SLC5A12: variants seen among roughly 807,000 people sequenced by gnomAD.
The protein encoded by SLC5A12 is sodium-coupled monocarboxylate transporter 2.
In SLC5A12, 46 loss-of-function variants were observed where a neutral mutation model predicts 72.7. The ratio of observed to expected loss-of-function variants is 0.63; its 90% CI spans 0.50 to 0.81. SLC5A12 has a LOEUF of 0.81. Ranked by LOEUF, SLC5A12 falls within the 30% of genes least tolerant of loss-of-function variation. The pLI is 0.00. For synonymous variants in SLC5A12, 275 were observed against 264.4 expected (o/e 1.04, Z -0.39); for missense variants, 683 against 740.7 (o/e 0.92, Z 0.90).
rs928433935 is a variant in SLC5A12, at chr11:26,680,314, T to C, written c.1475+741A>G. ...ATATGTATATATATTCATATATATATATGTATATATATTCATATATATATG... is the reference window on the plus strand; with the variant it reads ...ATATGTATATATATTCATATATATACATGTATATATATTCATATATATATG... On this transcript the variant is annotated intron_variant, in intron 12 of 14. Coordinates refer to ENST00000396005, the MANE Select transcript of SLC5A12 (RefSeq NM_178498.4). Among the ~76,000 whole-genome samples the C allele has an allele frequency of 4.4e-5, 6 of 136,596 alleles. 1 individual carries two copies. The highest frequency in any genetic ancestry group is 2.2e-4 in the Admixed American group (3 of 13,468). The allele number at this position is 136,596 out of a possible 152,430, so 89.6% of individuals were successfully genotyped here. A position where few individuals can be genotyped will look rare whatever the true frequency, so the allele number is the denominator to read the frequency against.
At chr11:26,680,394 C>CATATATATATGTATATATATTCATAT (rs1565185818) in intron 12 of SLC5A12, among the ~76,000 whole-genome samples, 7 of 76,100 alleles carry the variant, frequency 9.2e-5, no homozygotes, top group African/African-American at 1.6e-4. Flanking sequence ...TATATATATT[C>CATATATATATGTATATATATTCATAT]ATATATATAT....
At chr11:26,708,207 C>A (rs1472364169) in intron 4 of SLC5A12, among the ~76,000 whole-genome samples, 1 of 151,934 alleles carries the variant, frequency 6.6e-6, no homozygotes, top group Non-Finnish European at 1.5e-5. Context: ...TTTTTCAAGG[C>A]AAGCAATGCA....
chr11:26,701,884 G>C (rs1036474065), intron 6 of SLC5A12, among the ~76,000 whole-genome samples: 1 of 152,088 alleles, frequency 6.6e-6, no homozygotes, highest in Non-Finnish European at 1.5e-5. Flanking sequence ...AGCGATAAAC[G>C]TTTAGTAAGC....
chr11:26,703,804 T>C lies in SLC5A12; in HGVS notation c.669A>G (p.Leu223=), dbSNP rs769481179. 1 of 1,613,880 alleles carries C rather than the reference T, an allele frequency of 6.2e-7. No individual in the cohort carries two copies. Among genetic ancestry groups the C allele is most frequent in the East Asian group, 2.2e-5 (1 of 44,860 alleles). ...VLEQSTNGSR[L]HIFDFDVDPL... is the part of the protein sequence containing the mutation. ...TGCATTGGACATACTCAAATATATGTAGTCGAGATCCATTTGTTGATTGCT... is the reference window on the plus strand; with the variant it reads ...TGCATTGGACATACTCAAATATATGCAGTCGAGATCCATTTGTTGATTGCT... Residue 223 remains leucine (L), a synonymous_variant, in exon 5 of 15, where the codon CTA becomes CTG. Coordinates refer to ENST00000396005, the MANE Select transcript of SLC5A12 (RefSeq NM_178498.4).
chr11:26,717,304 G>C (rs1035829263), intron 1 of SLC5A12, among the ~76,000 whole-genome samples: 4 of 152,030 alleles, frequency 2.6e-5, no homozygotes, highest in African/African-American at 9.7e-5. Context: ...CAGAAGCCAA[G>C]AAGTCCAAGA....
chr11:26,686,174 G>A (rs140993647), intron 10 of SLC5A12, among the ~76,000 whole-genome samples: 1 of 152,232 alleles, frequency 6.6e-6, no homozygotes, highest in East Asian at 1.9e-4. Context: ...TAAATTCTCA[G>A]ATCAGAATTT....
At chr11:26,702,883 T>C (rs1175113710) in intron 6 of SLC5A12, among the ~76,000 whole-genome samples, 3 of 152,182 alleles carry the variant, frequency 2.0e-5, no homozygotes, top group Non-Finnish European at 4.4e-5. Context: ...AACTTAATGC[T>C]AACTACTCAG....
In SLC5A12 at chr11:26,681,169, A is replaced by G. The variant is rs576194008; in HGVS notation, c.1361T>C (p.Ile454Thr). 6.8e-5 allele frequency: 109 copies of G among 1,611,070 alleles called. No individual in the cohort carries two copies. Among genetic ancestry groups the G allele is most frequent in the Middle Eastern group, 5.2e-4 (3 of 5,776 alleles). ...TGITLSFWVAIGAFIYPAPAS... is the reference protein window; with the variant it reads ...TGITLSFWVATGAFIYPAPAS... ...TGGTGCAGGGTAAATGAAGGCCCCAATGGCCACCCAAAATGACAAGGTGAT... is the reference window on the plus strand; with the variant it reads ...TGGTGCAGGGTAAATGAAGGCCCCAGTGGCCACCCAAAATGACAAGGTGAT... The change falls in exon 12 of 15, where the codon ATT becomes ACT. Residue 454 changes from isoleucine to threonine, a missense_variant. By Grantham distance (89) the Ile-to-Thr change is moderately conservative. Coordinates refer to ENST00000396005, the MANE Select transcript of SLC5A12 (RefSeq NM_178498.4).
At chr11:26,686,339 C>T (rs1244582695) in intron 10 of SLC5A12, 138 bp downstream of exon 10, 5 of 655,534 alleles carry the variant, frequency 7.6e-6, no homozygotes, top group South Asian at 4.8e-5. Context: ...ATTTTACATG[C>T]ATTTTACATT....
Position 26,671,105 on chromosome 11 carries a change from G to T in SLC5A12, c.1854C>A (p.Phe618Leu), listed in dbSNP as rs780768605. 8.7e-6 allele frequency: 14 copies of T among 1,610,122 alleles called. No individual in the cohort carries two copies. The Admixed American group carries it at 2.3e-4, about 27-fold the overall frequency. ...YNNMAFETTHF is the reference protein window; with the variant it reads ...YNNMAFETTHL ...GTGCATTCATACAGGTATTGCCTTA[G>T]AAATGGGTAGTCTCAAATGCCATAT... The change falls in exon 15 of 15, where the codon TTC becomes TTA. Residue 618 changes from phenylalanine to leucine, a missense_variant. Coordinates refer to ENST00000396005, the MANE Select transcript of SLC5A12 (RefSeq NM_178498.4).
intron 4 of SLC5A12, among the ~76,000 whole-genome samples, chr11:26,705,313 T>A (rs868046819): frequency 4.6e-5 from 7 of 152,112 alleles, no homozygotes; most frequent in African/African-American, 1.4e-4. Context: ...CTATGTGGGA[T>A]GAGCAAGTGG....
At chr11:26,703,313 A>C (rs1303595492) in intron 6 of SLC5A12, among the ~76,000 whole-genome samples, 1 of 151,726 alleles carries the variant, frequency 6.6e-6, no homozygotes, top group African/African-American at 2.4e-5. Context: ...AACCGACTTC[A>C]GTTCACACCC....
rs1391640919 is a variant in SLC5A12, at chr11:26,711,329, A to G, written c.435T>C (p.Ala145=). ...CACCTTGATTGAGTGCCAGGGCAGG[A>G]GCATACACCACCACTCCTGTGTAGA... The part of the protein sequence containing the change: ...TILYTGVVVY[A]PALALNQVTG... The change falls in exon 3 of 15, where the codon GCT becomes GCC. Residue 145 remains alanine (A), a synonymous_variant. Coordinates refer to ENST00000396005, the MANE Select transcript of SLC5A12 (RefSeq NM_178498.4). 7 of 1,611,880 alleles carry G rather than the reference A, an allele frequency of 4.3e-6. No individual in the cohort carries two copies. The highest frequency in any genetic ancestry group is 2.2e-5 in the South Asian group (2 of 90,958).
intron 7 of SLC5A12, 28 bp downstream of exon 7, chr11:26,698,378 T>A: frequency 6.2e-7 from 1 of 1,609,542 alleles, no homozygotes; most frequent in South Asian, 1.1e-5. Context: ...TTCCAGACAC[T>A]CGCCACTGTC....
At chr11:26,682,362 C>T (rs1257602393) in intron 11 of SLC5A12, among the ~76,000 whole-genome samples, 1 of 152,120 alleles carries the variant, frequency 6.6e-6, no homozygotes, top group Non-Finnish European at 1.5e-5. Flanking sequence ...TGACCCCTGG[C>T]CTACCAGTAA....
chr11:26,721,115 G>A (rs532341278), intron 1 of SLC5A12, among the ~76,000 whole-genome samples: 1 of 152,160 alleles, frequency 6.6e-6, no homozygotes, highest in South Asian at 2.1e-4. Flanking sequence ...CTACAAATGA[G>A]GCCATACATT....
intron 1 of SLC5A12, among the ~76,000 whole-genome samples, 189 bp downstream of exon 1, chr11:26,721,187 A>G (rs1855471003): frequency 6.6e-6 from 1 of 152,192 alleles, no homozygotes. Flanking sequence ...TGTCATCATT[A>G]TTTTCCTTCT....
chr11:26,678,631 C>G (rs889840963), intron 13 of SLC5A12, 81 bp downstream of exon 13: 2 of 1,026,602 alleles, frequency 1.9e-6, no homozygotes, highest in African/African-American at 3.2e-5. Context: ...GAATTCAAAG[C>G]AATAAGACAG....
At chr11:26,714,676 A>G (rs1855308202) in intron 1 of SLC5A12, among the ~76,000 whole-genome samples, 1 of 152,280 alleles carries the variant, frequency 6.6e-6, no homozygotes, top group Non-Finnish European at 1.5e-5. Flanking sequence ...TAAAAAAATC[A>G]TTTTGATTAA....
Sources: allele counts gnomAD v4.1 joint callset (sites outside exome capture counted in the v4.1 genomes callset), GRCh38; gene constraint gnomAD v4.1.1; transcripts MANE v1.5; gene names NCBI Gene and HGNC (gene_info 2026-07-23, HGNC 2026-07-21).